Variants in MARK2 observed in about 807,000 individuals in gnomAD.
MARK2 encodes the protein microtubule affinity regulating kinase 2, also known as serine/threonine-protein kinase MARK2.
A neutral mutation model predicts 89.8 loss-of-function variants in MARK2; 16 were observed. The observed-to-expected ratio is 0.18, with a 90% CI of 0.12 to 0.27. The LOEUF is 0.27. Among genes scored for constraint, MARK2 ranks in the 10% least tolerant of loss-of-function variants. The probability of loss-of-function intolerance (pLI) is 1.00; values close to 1 mark genes in which losing one functional copy is unlikely to be tolerated. For missense variants in MARK2, 621 were observed against 1,049.9 expected, an observed-to-expected ratio of 0.59 and a Z score of 5.65; for synonymous variants, 382 against 399.5, an observed-to-expected ratio of 0.96 and a Z score of 0.52.
intron 1 of MARK2, among the ~76,000 whole-genome samples, chr11:63,889,577 G>A (rs565955936): frequency 2.8e-4 from 42 of 152,368 alleles, no homozygotes; most frequent in Non-Finnish European, 5.1e-4. Context: ...CACCTAGGCC[G>A]AGTCTGAGAT....
chr11:63,899,791 C>T (rs1409462498), intron 7 of MARK2, 83 bp from the exon 8 acceptor site: 6 of 864,282 alleles, frequency 6.9e-6, no homozygotes, highest in Non-Finnish European at 7.7e-6. Context: ...TCCGTTTGTT[C>T]TCCCATTCCC....
chr11:63,853,169 C>CA (rs2016658367), intron 1 of MARK2, among the ~76,000 whole-genome samples: 1 of 152,180 alleles, frequency 6.6e-6, no homozygotes, highest in Non-Finnish European at 1.5e-5. Context: ...GAGACCGAGG[C>CA]AGGTGGATCA....
chr11:63,844,653 A>G (rs1038906883), intron 1 of MARK2, among the ~76,000 whole-genome samples: 8 of 152,236 alleles, frequency 5.3e-5, no homozygotes, highest in African/African-American at 1.9e-4. Context: ...TTTTCTCAGC[A>G]TAAATGTCCT....
intron 1 of MARK2, among the ~76,000 whole-genome samples, chr11:63,875,055 ATCC>A (rs765823279): frequency 6.6e-6 from 1 of 151,934 alleles, no homozygotes; most frequent in Non-Finnish European, 1.5e-5. Flanking sequence ...AGCTCAAGCA[ATCC>A]TCCTGCCTCA....
At chr11:63,893,467 A>G (rs945482692) in intron 1 of MARK2, among the ~76,000 whole-genome samples, 1 of 151,500 alleles carries the variant, frequency 6.6e-6, no homozygotes, top group African/African-American at 2.4e-5. Context: ...GGGCATTTGA[A>G]TTGTTTCCAC....
chr11:63,902,872 T>A lies in MARK2; in HGVS notation c.1416+90T>A. On this transcript the variant is annotated intron_variant, in intron 13 of 18. Transcript: ENST00000402010. The surrounding 1 kb of genome is among the most constrained non-coding windows in gnomAD (Gnocchi z 4.2). ...TTCTCTTAATTCAGACTCTGTTCCC[T>A]TTGGCTACTACTTCTGCTTATAGCA... The A allele has an allele frequency of 8.3e-7, 1 of 1,206,470 alleles. No individual in the cohort carries two copies. The highest frequency in any genetic ancestry group is 2.1e-4 in the Middle Eastern group (1 of 4,800). 74.7% of individuals were successfully genotyped at this position (1,206,470 alleles called of 1,614,324 possible).
chr11:63,839,904 C>T (rs2015922801), intron 1 of MARK2, among the ~76,000 whole-genome samples: 1 of 152,070 alleles, frequency 6.6e-6, no homozygotes, highest in Admixed American at 6.5e-5. Flanking sequence ...AAGCAGCCAC[C>T]CTCCCGCTCC....
At chr11:63,898,207 T>C (rs764714549) in intron 3 of MARK2, 25 bp from the exon 4 acceptor site, 1 of 1,610,792 alleles carries the variant, frequency 6.2e-7, no homozygotes, top group African/African-American at 1.3e-5. Context: ...TGGGCAGGCA[T>C]GACCCCTGGT....
intron 1 of MARK2, among the ~76,000 whole-genome samples, chr11:63,893,429 C>T (rs1312214447): frequency 3.5e-5 from 2 of 57,060 alleles, no homozygotes; most frequent in African/African-American, 8.3e-5. Flanking sequence ...GGATATGCTA[C>T]GTTTGTCTAT....
chr11:63,895,598 G>A lies in MARK2; in HGVS notation c.253G>A (p.Asp85Asn). The A allele has an allele frequency of 6.2e-7, 1 of 1,602,780 alleles. No individual in the cohort carries two copies. ...TGKEVAVKIIDKTQLNSSSLQ... is the reference protein window; with the variant it reads ...TGKEVAVKIINKTQLNSSSLQ... ...TCCTCAGGTAGCTGTGAAGATCATT[G>A]ACAAGACTCAACTGAACTCCTCCAG... Residue 85 changes from aspartate to asparagine, a missense_variant, in exon 3 of 19, where the codon GAC (aspartate) becomes AAC (asparagine). Transcript: ENST00000402010.
In MARK2 at chr11:63,900,245, A is replaced by G; in HGVS notation, c.768+135A>G. On this transcript the variant is annotated intron_variant, in intron 8 of 18. Transcript: ENST00000402010. This position sits in a 1 kb window ranked among gnomAD's most constrained non-coding sequence, Gnocchi z 4.7. ...TCAGAGAAGGGCTTGCTGAGGTAGC[A>G]GCAGTCAAAGGCCTTCTGCACCTGG... The G allele has an allele frequency of 1.4e-6, 1 of 738,200 alleles. No homozygotes were observed. The allele number at this position is 738,200 out of a possible 1,614,324, so 45.7% of individuals were successfully genotyped here.
At chr11:63,847,838 G>A (rs1334571167) in intron 1 of MARK2, among the ~76,000 whole-genome samples, 1 of 152,170 alleles carries the variant, frequency 6.6e-6, no homozygotes, top group Non-Finnish European at 1.5e-5. Context: ...CAGGAGGAAG[G>A]GACTGGGTCT....
intron 17 of MARK2, among the ~76,000 whole-genome samples, chr11:63,907,144 T>C (rs1204378545): frequency 2.6e-5 from 4 of 152,158 alleles, no homozygotes; most frequent in African/African-American, 7.2e-5. Context: ...GGCTGTCTGC[T>C]CAGGCCCTGC....
Position 63,839,234 on chromosome 11 carries a change from G to A in MARK2, c.-273G>A, listed in dbSNP as rs2015877946. 1 of 238,140 alleles carries A rather than the reference G, an allele frequency of 4.2e-6. No homozygotes were observed. The highest frequency in any genetic ancestry group is 7.9e-6 in the Non-Finnish European group (1 of 125,930). The allele number at this position is 238,140 out of a possible 1,614,324, so 14.8% of individuals were successfully genotyped here. A position where few individuals can be genotyped will look rare whatever the true frequency, so the allele number is the denominator to read the frequency against. On this transcript the variant is annotated 5_prime_UTR_variant, in exon 1 of 19. Transcript: ENST00000402010. ...AGGCGGCCGGCTGCGGCGGCAGAGA[G>A]TAGGCGGAGCGGCGCGGCCCGGCCG... is the stretch of plus-strand genomic sequence containing the variant.
intron 3 of MARK2, 68 bp from the exon 4 acceptor site, chr11:63,898,164 G>A: frequency 1.5e-6 from 2 of 1,366,008 alleles, no homozygotes; most frequent in Non-Finnish European, 2.1e-6. Flanking sequence ...AATCCTGGCA[G>A]GGACTGTTTG....
At position 63,839,517 on chromosome 11, in the gene MARK2, C is replaced by A; in HGVS notation, c.11C>A (p.Ala4Asp). The A allele has an allele frequency of 6.5e-7, 1 of 1,535,906 alleles. No individual in the cohort carries two copies. The highest frequency in any genetic ancestry group is 2.6e-5 in the East Asian group (1 of 38,604). The change falls in exon 1 of 19, where the codon GCT becomes GAT. Residue 4 changes from alanine (A) to aspartate (D), a missense_variant. By Grantham distance (126) the Ala-to-Asp change is moderately radical (BLOSUM62 -2). Transcript: ENST00000402010. MSS[A>D]RTPLPTLNER... ...CGAGATACCGGCGCCATGTCCAGCG[C>A]TCGGACCCCCCTACCCACGCTGAAC...
In MARK2 at chr11:63,839,368, C is replaced by G. The variant is rs2015883705; in HGVS notation, c.-139C>G. On this transcript the variant is annotated 5_prime_UTR_variant, in exon 1 of 19. Transcript: ENST00000402010. ...TCCCCGGGCTGGCGTGAGCGGCTGC[C>G]CGGCCTCCCCGCACCCCCGGCCGGG... 1.8e-6 allele frequency: 1 copy of G among 564,368 alleles called. No homozygotes were observed. Among genetic ancestry groups the G allele is most frequent in the East Asian group, 3.4e-5 (1 of 29,290 alleles). 35.0% of individuals were successfully genotyped at this position (564,368 alleles called of 1,614,324 possible). A position where few individuals can be genotyped will look rare whatever the true frequency, so the allele number is the denominator to read the frequency against.
chr11:63,840,182 C>T (rs1363367778), intron 1 of MARK2, among the ~76,000 whole-genome samples: 1 of 152,134 alleles, frequency 6.6e-6, no homozygotes, highest in Admixed American at 6.5e-5. Context: ...AATCCTTCGC[C>T]TACTCTTTGC....
intron 16 of MARK2, among the ~76,000 whole-genome samples, chr11:63,905,633 A>C (rs904258050): frequency 2.6e-5 from 4 of 152,240 alleles, no homozygotes. Flanking sequence ...TGTTGGACCC[A>C]GGGTGGGGAT....
Sources: allele counts gnomAD v4.1 joint callset (sites outside exome capture counted in the v4.1 genomes callset), GRCh38; gene constraint gnomAD v4.1.1; non-coding constraint Gnocchi (gnomAD v3.1); transcripts MANE v1.5; gene names NCBI Gene and HGNC (gene_info 2026-07-23, HGNC 2026-07-21).